MALRD1: variants seen among roughly 807,000 people sequenced by gnomAD.
The protein encoded by MALRD1 is MAM and LDL-receptor class A domain-containing protein 1.
In MALRD1, 247 loss-of-function variants were observed where a neutral mutation model predicts 242.1. That is an observed-to-expected ratio of 1.02 (90% CI 0.92 to 1.13). The LOEUF (loss-of-function observed/expected upper bound fraction) is 1.13. Among genes scored for constraint, MALRD1 ranks in the 50% most tolerant of loss-of-function variants. MALRD1 has a pLI of 0.00. For missense variants in MALRD1, 2,989 were observed against 2,533.1 expected (o/e 1.18, Z -3.86); for synonymous variants, 995 against 866.6 (o/e 1.15, Z -2.60).
rs148175836 is a variant in MALRD1, at chr10:19,149,590, A to G, written c.1558+3246A>G. 1.9e-4 allele frequency among the ~76,000 whole-genome samples: 29 copies of G among 152,264 alleles called. No individual in the cohort carries two copies. The East Asian group carries it at 5.6e-3, about 29-fold the overall frequency. ...TGGTTGTTTGTTTTTTAAGAAATAT[A>G]TTATCTTGTAACTATTGTCCCTATC... On this transcript the variant is annotated intron_variant, in intron 11 of 39. Coordinates refer to ENST00000454679, the MANE Select transcript of MALRD1 (RefSeq NM_001142308.3).
chr10:19,225,707 A>C (rs16915624), intron 18 of MALRD1, among the ~76,000 whole-genome samples: 1 of 152,102 alleles, frequency 6.6e-6, no homozygotes, highest in African/African-American at 2.4e-5. Context: ...TTCTAAAGCC[A>C]TGAAAGCCTA....
chr10:19,689,748 A>G (rs1842744204), intron 36 of MALRD1, among the ~76,000 whole-genome samples: 1 of 152,128 alleles, frequency 6.6e-6, no homozygotes, highest in South Asian at 2.1e-4. Flanking sequence ...TTATTTATTG[A>G]CATTCATCAT....
At chr10:19,345,762 C>CT (rs398114138) in intron 24 of MALRD1, among the ~76,000 whole-genome samples, 87,193 of 148,132 alleles carry the variant, frequency 0.59, 25,341 homozygotes, top group Middle Eastern at 0.63. Context: ...TTGAAGTAAT[C>CT]TTTTTTTTTT....
At chr10:19,657,887 C>G (rs1841238560) in intron 36 of MALRD1, among the ~76,000 whole-genome samples, 1 of 152,066 alleles carries the variant, frequency 6.6e-6, no homozygotes, top group Non-Finnish European at 1.5e-5. Flanking sequence ...ACAGCTCATG[C>G]CTGTAATCCC....
intron 2 of MALRD1, among the ~76,000 whole-genome samples, chr10:19,078,366 T>C (rs1218700027): frequency 6.6e-6 from 1 of 151,850 alleles, no homozygotes; most frequent in South Asian, 2.1e-4. Context: ...TATTGATTGA[T>C]TTTTATGTGT....
chr10:19,413,909 C>T (rs1324741597), intron 28 of MALRD1, among the ~76,000 whole-genome samples: 1 of 151,132 alleles, frequency 6.6e-6, no homozygotes, highest in Non-Finnish European at 1.5e-5. Context: ...CGAGATCGCA[C>T]TACTGCACTC....
At chr10:19,339,899 A>T (rs1020190335) in intron 24 of MALRD1, among the ~76,000 whole-genome samples, 1 of 152,126 alleles carries the variant, frequency 6.6e-6, no homozygotes, top group Non-Finnish European at 1.5e-5. Flanking sequence ...GCCTCAGGAA[A>T]CTTACAATCA....
chr10:19,141,901 G>T (rs11008644), intron 10 of MALRD1, among the ~76,000 whole-genome samples: 9,452 of 151,940 alleles, frequency 0.062, 352 homozygotes, highest in East Asian at 0.2. Flanking sequence ...GGCCGGGTGC[G>T]GTGGCTCACG....
At chr10:19,530,385 T>TTTATATAAATATTTATATAAATATTTA (rs1564417186) in intron 31 of MALRD1, among the ~76,000 whole-genome samples, 1 of 85,284 alleles carries the variant, frequency 1.2e-5, no homozygotes. Flanking sequence ...ATAAATATTA[T>TTTATATAAATATTTATATAAATATTTA]ATATTTATAT....
chr10:19,171,813 T>G (rs1834981886), intron 13 of MALRD1, among the ~76,000 whole-genome samples: 1 of 143,374 alleles, frequency 7.0e-6, no homozygotes, highest in African/African-American at 2.5e-5. Context: ...TATATATCAG[T>G]TTGGTTATAT....
chr10:19,712,692 A>G (rs1265014842), intron 38 of MALRD1, among the ~76,000 whole-genome samples: 1 of 152,238 alleles, frequency 6.6e-6, no homozygotes, highest in Non-Finnish European at 1.5e-5. Context: ...GAGTTTTCAT[A>G]TAGAGCCATT....
intron 26 of MALRD1, among the ~76,000 whole-genome samples, chr10:19,360,423 T>C (rs1249740823): frequency 1.3e-5 from 2 of 152,150 alleles, no homozygotes; most frequent in Non-Finnish European, 2.9e-5. Context: ...ATAAGATATT[T>C]TCCTGGAAAC....
intron 18 of MALRD1, among the ~76,000 whole-genome samples, chr10:19,220,222 C>G (rs561312538): frequency 6.6e-6 from 1 of 152,126 alleles, no homozygotes; most frequent in Admixed American, 6.5e-5. Context: ...TCTGAAAAAT[C>G]AAGACAGCAA....
At chr10:19,143,243 T>G (rs1392549225) in intron 10 of MALRD1, among the ~76,000 whole-genome samples, 1 of 152,242 alleles carries the variant, frequency 6.6e-6, no homozygotes, top group Admixed American at 6.5e-5. Context: ...AAGTGGCTTT[T>G]ATCTTGAGAG....
chr10:19,315,234 T>G lies in MALRD1; in HGVS notation c.3420-8715T>G, dbSNP rs1271903910. ...TTTATATAAATATATAAATATAATT[T>G]ATAGAAATATAATTTATATAAATAT... is the stretch of plus-strand genomic sequence containing the variant. On this transcript the variant is annotated intron_variant, in intron 21 of 39. Coordinates refer to ENST00000454679, the MANE Select transcript of MALRD1 (RefSeq NM_001142308.3). 1.9e-3 allele frequency among the ~76,000 whole-genome samples: 188 copies of G among 97,032 alleles called. 2 individuals carry two copies. Among genetic ancestry groups the G allele is most frequent in the African/African-American group, 7.7e-3 (184 of 23,930 alleles). The allele number at this position is 97,032 out of a possible 152,430, so 63.7% of individuals were successfully genotyped here. A position where few individuals can be genotyped will look rare whatever the true frequency, so the allele number is the denominator to read the frequency against.
intron 18 of MALRD1, among the ~76,000 whole-genome samples, chr10:19,231,351 C>T (rs1000320155): frequency 2.6e-5 from 4 of 152,178 alleles, no homozygotes; most frequent in African/African-American, 9.7e-5. Context: ...ATGTTCTCTA[C>T]ACAAATCTCT....
At chr10:19,515,374 A>T (rs1833578209) in intron 31 of MALRD1, among the ~76,000 whole-genome samples, 2 of 152,112 alleles carry the variant, frequency 1.3e-5, no homozygotes, top group Admixed American at 1.3e-4. Context: ...TTCATAGTAC[A>T]CTTTTTTTGG....
At chr10:19,403,207 C>A (rs543557029) in intron 28 of MALRD1, among the ~76,000 whole-genome samples, 2 of 152,098 alleles carry the variant, frequency 1.3e-5, no homozygotes, top group Non-Finnish European at 2.9e-5. Context: ...AAAACCCTTA[C>A]ATCATATTGT....
intron 36 of MALRD1, among the ~76,000 whole-genome samples, chr10:19,632,985 A>T (rs1431853025): frequency 6.6e-6 from 1 of 152,044 alleles, no homozygotes; most frequent in Non-Finnish European, 1.5e-5. Context: ...AAATCCCAAC[A>T]CTTTGGGAGG....
Sources: allele counts gnomAD v4.1 joint callset (sites outside exome capture counted in the v4.1 genomes callset), GRCh38; gene constraint gnomAD v4.1.1; transcripts MANE v1.5; gene names NCBI Gene and HGNC (gene_info 2026-07-23, HGNC 2026-07-21).